The following CAPS2 variants were observed in gnomAD, a reference collection of about 807,000 sequenced individuals.
CAPS2 encodes the protein calcyphosin-2.
CAPS2 carries 98 observed loss-of-function variants against 86.5 expected under a neutral mutation model. The observed-to-expected ratio is 1.13, with a 90% CI of 0.96 to 1.34. The LOEUF (loss-of-function observed/expected upper bound fraction) is 1.34, where lower values mean the gene tolerates loss of function less well. Among genes scored for constraint, CAPS2 ranks in the 40% most tolerant of loss-of-function variants. CAPS2 has a pLI of 0.00. For missense variants in CAPS2, 729 were observed against 686.8 expected, an observed-to-expected ratio of 1.06 and a Z score of -0.69; for synonymous variants, 210 against 225.1, an observed-to-expected ratio of 0.93 and a Z score of 0.60.
chr12:75,305,880 C>G (rs1482016070), intron 7 of CAPS2: 2 of 787,926 alleles, frequency 2.5e-6, no homozygotes, highest in African/African-American at 3.4e-5. Flanking sequence ...AGAGGCTGAC[C>G]AGGCTGCACC....
At chr12:75,276,055 A>G, downstream of CAPS2, 1 of 710,338 alleles carries the variant, frequency 1.4e-6, no homozygotes, top group Non-Finnish European at 2.1e-6. Flanking sequence ...GAACTTTAAA[A>G]TAAAAATGGA....
intron 5 of CAPS2, among the ~76,000 whole-genome samples, chr12:75,317,574 C>G (rs2138919625): frequency 6.6e-6 from 1 of 152,246 alleles, no homozygotes; most frequent in Non-Finnish European, 1.5e-5. Context: ...ATTTCAAATT[C>G]AACCTTCCAA....
intron 1 of CAPS2, among the ~76,000 whole-genome samples, chr12:75,384,855 C>T (rs1464958333): frequency 1.3e-5 from 2 of 152,174 alleles, no homozygotes; most frequent in African/African-American, 2.4e-5. Flanking sequence ...ATATTTTCCC[C>T]TCCAAATTCA....
chr12:75,317,195 T>A (rs2039860280), intron 5 of CAPS2, among the ~76,000 whole-genome samples: 1 of 152,176 alleles, frequency 6.6e-6, no homozygotes, highest in African/African-American at 2.4e-5. Flanking sequence ...GAACCTTGTC[T>A]GTCATTTTTA....
chr12:75,375,820 G>C (rs1011415102), intron 1 of CAPS2, among the ~76,000 whole-genome samples: 1 of 152,158 alleles, frequency 6.6e-6, no homozygotes, highest in African/African-American at 2.4e-5. Flanking sequence ...CCTTGTCTTT[G>C]ACGGTTGAGT....
upstream of CAPS2, chr12:75,334,558 GTTC>G: frequency 7.1e-7 from 1 of 1,416,750 alleles, no homozygotes; most frequent in South Asian, 1.6e-5. Flanking sequence ...CCTGCTGCCT[GTTC>G]TTCCCCACAG....
Position 75,290,000 on chromosome 12 carries a change from G to A in CAPS2, c.1241-225C>T, listed in dbSNP as rs188001979. Among the ~76,000 whole-genome samples the A allele has an allele frequency of 5.3e-5, 8 of 152,302 alleles. No homozygotes were observed. The East Asian group carries it at 1.5e-3, about 29-fold the overall frequency. On this transcript the variant is annotated intron_variant, in intron 13 of 16. Transcript: ENST00000393284. ...AATATGCCAGAACTATAGCACCACT[G>A]TGTGGTGGAAGTGGTATGTTTTTAA...
chr12:75,360,574 G>A (rs1438943984), intron 1 of CAPS2: 1 of 152,222 alleles, frequency 6.6e-6, no homozygotes, highest in Non-Finnish European at 1.5e-5. Flanking sequence ...TCATATCGGG[G>A]GCATGCTGAT....
chr12:75,390,633 A>G (rs1322261074), intron 1 of CAPS2, among the ~76,000 whole-genome samples: 1 of 152,112 alleles, frequency 6.6e-6, no homozygotes, highest in Non-Finnish European at 1.5e-5. Context: ...GGTAATGGGG[A>G]AAAAAAATTT....
At chr12:75,278,902 T>A in exon 17 of CAPS2, 1 of 1,574,342 alleles carries the variant, frequency 6.4e-7, no homozygotes, top group Non-Finnish European at 8.6e-7. Flanking sequence ...AAATCCCCCA[T>A]GGAGTACGTA....
rs765142348 is a variant in CAPS2 at position 75,299,920 on chromosome 12, A to T, written c.780-9T>A. On this transcript the variant is annotated splice_polypyrimidine_tract_variant and intron_variant, in intron 8 of 16. Coordinates refer to ENST00000393284, the Ensembl canonical transcript of CAPS2. ...TAGAATGAGTTCTTATCCTGTTAAGAAATACATTTTGTCAGTAATTTTTCA... is the reference window on the plus strand; with the variant it reads ...TAGAATGAGTTCTTATCCTGTTAAGTAATACATTTTGTCAGTAATTTTTCA... The T allele has an allele frequency of 8.1e-7, 1 of 1,234,888 alleles. No individual in the cohort carries two copies. Among genetic ancestry groups the T allele is most frequent in the South Asian group, 1.7e-5 (1 of 58,154 alleles). 76.5% of individuals were successfully genotyped at this position (1,234,888 alleles called of 1,614,324 possible). A position where few individuals can be genotyped will look rare whatever the true frequency, so the allele number is the denominator to read the frequency against.
upstream of CAPS2, among the ~76,000 whole-genome samples, chr12:75,332,395 T>C (rs2041394037): frequency 6.6e-6 from 1 of 152,206 alleles, no homozygotes; most frequent in Non-Finnish European, 1.5e-5. Context: ...TACCTACTAC[T>C]TGAAAATATT....
chr12:75,329,685 A>G, upstream of CAPS2: 1 of 486,132 alleles, frequency 2.1e-6, no homozygotes, highest in Non-Finnish European at 3.6e-6. Context: ...GAAGGTAGGG[A>G]CCAAGTCTAT....
intron 1 of CAPS2, among the ~76,000 whole-genome samples, chr12:75,337,200 G>A (rs903433828): frequency 6.6e-6 from 1 of 151,596 alleles, no homozygotes; most frequent in African/African-American, 2.4e-5. Context: ...AAGAAGGTAG[G>A]AAACAAGTTT....
chr12:75,276,207 CT>C (rs754599424), downstream of CAPS2: 16 of 1,539,646 alleles, frequency 1.0e-5, no homozygotes, highest in South Asian at 1.2e-4. Flanking sequence ...TAAGCGCTTT[CT>C]TTTTTTTAAG....
intron 1 of CAPS2, among the ~76,000 whole-genome samples, chr12:75,338,678 T>C (rs912263877): frequency 2.0e-5 from 3 of 152,176 alleles, no homozygotes; most frequent in South Asian, 2.1e-4. Flanking sequence ...GGTGGTTTGC[T>C]GCACAGATCA....
chr12:75,343,658 T>C (rs1314692147), intron 1 of CAPS2: 9 of 1,492,674 alleles, frequency 6.0e-6, no homozygotes, highest in Middle Eastern at 1.9e-4. Context: ...CAAATACTTA[T>C]GCACAATTCA....
chr12:75,340,555 G>A (rs147609051), intron 1 of CAPS2, among the ~76,000 whole-genome samples: 11 of 151,788 alleles, frequency 7.2e-5, no homozygotes, highest in South Asian at 6.2e-4. Context: ...TATCAAGACC[G>A]AAAACTATTT....
intron 1 of CAPS2, among the ~76,000 whole-genome samples, chr12:75,345,317 G>C (rs145432322): frequency 9.1e-4 from 138 of 151,716 alleles, no homozygotes; most frequent in African/African-American, 3.2e-3. Flanking sequence ...CTAATGTCTT[G>C]AAAACCATTA....
Sources: allele counts gnomAD v4.1 joint callset (sites outside exome capture counted in the v4.1 genomes callset), GRCh38; gene constraint gnomAD v4.1.1; transcripts MANE v1.5; gene names NCBI Gene and HGNC (gene_info 2026-07-23, HGNC 2026-07-21).